Variants in MS4A12 observed in about 807,000 individuals in gnomAD.
MS4A12 encodes membrane spanning 4-domains A12.
MS4A12 carries 28 observed loss-of-function variants against 23.7 expected under a neutral mutation model. The observed-to-expected ratio is 1.18, with a 90% CI of 0.88 to 1.62. MS4A12 has a LOEUF of 1.62. Ranked by LOEUF, MS4A12 falls within the 40% of genes most tolerant of loss-of-function variation. The pLI, the probability that MS4A12 is intolerant of heterozygous loss-of-function variation, is 0.00. For missense variants in MS4A12, 342 were observed against 327.0 expected, an observed-to-expected ratio of 1.05 and a Z score of -0.35; for synonymous variants, 108 against 110.1, an observed-to-expected ratio of 0.98 and a Z score of 0.12.
At chr11:60,495,294 A>C (rs567751633) in intron 1 of MS4A12, among the ~76,000 whole-genome samples, 61 of 151,928 alleles carry the variant, frequency 4.0e-4, no homozygotes, top group African/African-American at 1.5e-3. Context: ...TTTGAAAAAA[A>C]AAATTCCTCT....
chr11:60,494,742 T>C (rs564711924), intron 1 of MS4A12, among the ~76,000 whole-genome samples: 50 of 152,324 alleles, frequency 3.3e-4, no homozygotes, highest in African/African-American at 1.1e-3. Flanking sequence ...ATTTTACAGT[T>C]GAGACATAGG....
rs535816623 is a variant in MS4A12, at chr11:60,502,628, T to C, written c.471+589T>C. Among the ~76,000 whole-genome samples the C allele has an allele frequency of 3.5e-4, 54 of 152,238 alleles. 1 individual carries two copies. The South Asian group carries it at 0.011, about 30-fold the overall frequency. On this transcript the variant is annotated intron_variant, in intron 4 of 6. Transcript: ENST00000016913. ...CCTATTCCAATTTCGTGGTCTACTA[T>C]TGAACCAGGAAAAAGAAAGTGATTT...
Position 60,497,342 on chromosome 11 carries a change from C to T in MS4A12, c.24C>T (p.Ser8=). 1 of 1,613,690 alleles carries T rather than the reference C, an allele frequency of 6.2e-7. No individual in the cohort carries two copies. The highest frequency in any genetic ancestry group is 1.1e-5 in the South Asian group (1 of 91,000). The change falls in exon 2 of 7, where the codon AGC becomes AGT. Residue 8 remains serine (S), a synonymous_variant. Coordinates refer to ENST00000016913, the MANE Select transcript of MS4A12 (RefSeq NM_017716.3). ...TAATGATGTCATCCAAGCCAACAAG[C>T]CATGCTGAAGTAAATGAAACCATAC... is the stretch of plus-strand genomic sequence containing the variant. The part of the protein sequence containing the change: MMSSKPT[S]HAEVNETIPN...
At position 60,497,559 on chromosome 11, in the gene MS4A12, G is replaced by A. The variant is rs769148565; in HGVS notation, c.241G>A (p.Val81Ile). ...GATAAATCCAAGTGTGGGAACAGCA[G>A]TAATGAACTTTAAAGAAGAAGCAAA... Reference protein sequence around the residue: ...QMINPSVGTAVMNFKEEAKAL... With the variant: ...QMINPSVGTAIMNFKEEAKAL... The change falls in exon 2 of 7, where the codon GTA becomes ATA. Residue 81 changes from valine to isoleucine, a missense_variant. Val to Ile is a conservative substitution (Grantham distance 29). Coordinates refer to ENST00000016913, the MANE Select transcript of MS4A12 (RefSeq NM_017716.3). 9.3e-6 allele frequency: 15 copies of A among 1,614,042 alleles called. No individual in the cohort carries two copies. The South Asian group carries it at 1.4e-4, about 15-fold the overall frequency.
At position 60,501,090 on chromosome 11, in the gene MS4A12, G is replaced by T; in HGVS notation, c.322G>T (p.Val108Phe). The change falls in exon 3 of 7, where the codon GTT (valine) becomes TTT (phenylalanine). Residue 108 changes from valine to phenylalanine, a missense_variant. Coordinates refer to ENST00000016913, the MANE Select transcript of MS4A12 (RefSeq NM_017716.3). ...VGLMHIGFGI[V>F]LCLISFSFRE... ...ATTGATGCACATTGGTTTTGGAATT[G>T]TTTTGTGTTTAATATCCTTCTCTTT... The T allele has an allele frequency of 6.2e-7, 1 of 1,612,442 alleles. No individual in the cohort carries two copies. Among genetic ancestry groups the T allele is most frequent in the Non-Finnish European group, 8.5e-7 (1 of 1,179,374 alleles).
At chr11:60,502,605 T>C (rs546294497) in intron 4 of MS4A12, among the ~76,000 whole-genome samples, 3 of 152,184 alleles carry the variant, frequency 2.0e-5, no homozygotes, top group Non-Finnish European at 4.4e-5. Flanking sequence ...GCACCCCACC[T>C]ATTCCAATTT....
At chr11:60,504,236 G>T (rs1232814920) in intron 5 of MS4A12, among the ~76,000 whole-genome samples, 1 of 152,234 alleles carries the variant, frequency 6.6e-6, no homozygotes, top group Non-Finnish European at 1.5e-5. Flanking sequence ...GATTTTTACA[G>T]AGAAACCCAA....
At chr11:60,493,376 TAA>T (rs59628484) in intron 1 of MS4A12, among the ~76,000 whole-genome samples, 8,246 of 134,960 alleles carry the variant, frequency 0.061, 297 homozygotes, top group South Asian at 0.17. Flanking sequence ...AACTCCATCT[TAA>T]AAAAAAAAAA....
chr11:60,506,911 C>A, intron 6 of MS4A12, 73 bp downstream of exon 6: 1 of 1,536,356 alleles, frequency 6.5e-7, no homozygotes, highest in Non-Finnish European at 9.0e-7. Context: ...TCTGCTAAAT[C>A]CTACTATCGG....
At chr11:60,495,676 A>G (rs1218964170) in intron 1 of MS4A12, among the ~76,000 whole-genome samples, 1 of 152,178 alleles carries the variant, frequency 6.6e-6, no homozygotes, top group Non-Finnish European at 1.5e-5. Context: ...CCAAAGACAC[A>G]AAGTTGGAGT....
At chr11:60,496,011 T>G (rs191269732) in intron 1 of MS4A12, among the ~76,000 whole-genome samples, 42 of 152,314 alleles carry the variant, frequency 2.8e-4, no homozygotes, top group African/African-American at 9.9e-4. Flanking sequence ...AATCCCATTT[T>G]CAAGTCCTAA....
chr11:60,502,381 A>G (rs2086537793), intron 4 of MS4A12, among the ~76,000 whole-genome samples: 1 of 152,222 alleles, frequency 6.6e-6, no homozygotes, highest in Non-Finnish European at 1.5e-5. Flanking sequence ...GGAAATACAT[A>G]CTAGACACAT....
chr11:60,506,871 G>T (rs1212392381), intron 6 of MS4A12, 33 bp downstream of exon 6: 4 of 1,585,912 alleles, frequency 2.5e-6, no homozygotes, highest in Non-Finnish European at 3.5e-6. Context: ...AAAATAATCT[G>T]AAAATGCCCT....
At chr11:60,498,629 T>G (rs1448419112) in intron 2 of MS4A12, among the ~76,000 whole-genome samples, 1 of 152,168 alleles carries the variant, frequency 6.6e-6, no homozygotes. Context: ...GAAATCAGAC[T>G]GTATACATAA....
chr11:60,498,879 G>T (rs1017779756), intron 2 of MS4A12, among the ~76,000 whole-genome samples: 1 of 152,174 alleles, frequency 6.6e-6, no homozygotes, highest in African/African-American at 2.4e-5. Context: ...TGTCTTTGAG[G>T]TATTTGAAGA....
chr11:60,503,453 C>T lies in MS4A12; in HGVS notation c.472-248C>T, dbSNP rs149048900. ...TGTGCATGAAGCTTTTAGTAAAATCCAATAGATGAGTGCCTGCTTTATATG... is the reference window on the plus strand; with the variant it reads ...TGTGCATGAAGCTTTTAGTAAAATCTAATAGATGAGTGCCTGCTTTATATG... On this transcript the variant is annotated intron_variant, in intron 4 of 6. Transcript: ENST00000016913. 2.7e-3 allele frequency among the ~76,000 whole-genome samples: 410 copies of T among 152,052 alleles called. 8 individuals are homozygous for T. The East Asian group carries it at 0.046, about 17-fold the overall frequency.
Position 60,501,199 on chromosome 11 carries a change from A to G in MS4A12, c.414+17A>G. Reference sequence around the variant, plus strand: ...GGCCTTTCTGTGAGTAGATTGCTAGAACACCAGTCCTTCTTGGTTTATAAA... The same window carrying G: ...GGCCTTTCTGTGAGTAGATTGCTAGGACACCAGTCCTTCTTGGTTTATAAA... On this transcript the variant is annotated intron_variant, in intron 3 of 6. Transcript: ENST00000016913. 2 of 1,594,150 alleles carry G rather than the reference A, an allele frequency of 1.3e-6. No homozygotes were observed. Among genetic ancestry groups the G allele is most frequent in the Non-Finnish European group, 1.7e-6 (2 of 1,172,966 alleles).
chr11:60,506,904 G>A (rs921220049), intron 6 of MS4A12, 66 bp downstream of exon 6: 73 of 1,545,590 alleles, frequency 4.7e-5, no homozygotes, highest in Non-Finnish European at 5.5e-5. Context: ...ACTTGTGTCT[G>A]CTAAATCCTA....
intron 1 of MS4A12, among the ~76,000 whole-genome samples, chr11:60,495,147 T>C (rs2086478568): frequency 7.5e-6 from 1 of 133,176 alleles, no homozygotes; most frequent in South Asian, 2.6e-4. Context: ...CGACCACCAC[T>C]ACACCCGGCT....
Sources: allele counts gnomAD v4.1 joint callset (sites outside exome capture counted in the v4.1 genomes callset), GRCh38; gene constraint gnomAD v4.1.1; transcripts MANE v1.5; gene names NCBI Gene and HGNC (gene_info 2026-07-23, HGNC 2026-07-21).